The following WDTC1 variants were observed in gnomAD, a reference collection of about 807,000 sequenced individuals.
WDTC1 encodes WD and tetratricopeptide repeats protein 1.
WDTC1 carries 12 observed loss-of-function variants against 76.0 expected under a neutral mutation model. The observed-to-expected ratio is 0.16, with a 90% CI of 0.10 to 0.26. The LOEUF is 0.26. Among genes scored for constraint, WDTC1 ranks in the 10% least tolerant of loss-of-function variants. WDTC1 has a pLI of 1.00. For synonymous variants in WDTC1, 326 were observed against 350.8 expected (o/e 0.93, Z 0.79); for missense variants, 511 against 908.8 (o/e 0.56, Z 5.63).
chr1:27,269,621 G>GTTTTTT (rs538857228), intron 3 of WDTC1, among the ~76,000 whole-genome samples: 8 of 126,860 alleles, frequency 6.3e-5, no homozygotes, highest in Non-Finnish European at 6.2e-5. Flanking sequence ...TTTTTTTTCG[G>GTTTTTT]TTTTTTTTTT....
At chr1:27,269,392 T>A (rs2012784247) in intron 3 of WDTC1, among the ~76,000 whole-genome samples, 1 of 149,886 alleles carries the variant, frequency 6.7e-6, no homozygotes, top group Non-Finnish European at 1.5e-5. Flanking sequence ...CATATGAGTG[T>A]GGCAAGAGAG....
intron 6 of WDTC1, among the ~76,000 whole-genome samples, chr1:27,288,897 G>A (rs1186812699): frequency 1.3e-5 from 2 of 152,266 alleles, no homozygotes; most frequent in African/African-American, 4.8e-5. Context: ...TGGCCAGGCA[G>A]AGGGGCTCCT....
chr1:27,279,283 C>T (rs1461072444), intron 3 of WDTC1, among the ~76,000 whole-genome samples: 2 of 152,042 alleles, frequency 1.3e-5, no homozygotes, highest in Middle Eastern at 3.2e-3. Flanking sequence ...CATGTAATCC[C>T]AGCACTTTGA....
intron 5 of WDTC1, among the ~76,000 whole-genome samples, chr1:27,285,996 G>GTTTTTTTTTTTTTTTTTT (rs5773184): frequency 1.6e-5 from 1 of 63,282 alleles, no homozygotes; most frequent in Non-Finnish European, 2.8e-5. Flanking sequence ...CAGGATGGTG[G>GTTTTTTTTTTTTTTTTTT]TTTTTTTTTT....
chr1:27,266,201 C>T (rs2012657884), intron 3 of WDTC1, among the ~76,000 whole-genome samples: 1 of 152,112 alleles, frequency 6.6e-6, no homozygotes. Flanking sequence ...TAGAGAGTAC[C>T]TACTTTTCCT....
At chr1:27,287,121 C>T (rs1433500265) in intron 5 of WDTC1, among the ~76,000 whole-genome samples, 5 of 151,432 alleles carry the variant, frequency 3.3e-5, no homozygotes, top group African/African-American at 1.2e-4. Flanking sequence ...CGAGATTGCA[C>T]CACTGCACTC....
intron 6 of WDTC1, among the ~76,000 whole-genome samples, chr1:27,290,349 G>T (rs936170464): frequency 2.6e-5 from 4 of 152,174 alleles, no homozygotes; most frequent in African/African-American, 9.7e-5. Flanking sequence ...CTCCCACAGT[G>T]CTATGATTGC....
At chr1:27,277,470 T>C (rs1220492146) in intron 3 of WDTC1, among the ~76,000 whole-genome samples, 2 of 150,628 alleles carry the variant, frequency 1.3e-5, no homozygotes, top group Admixed American at 6.6e-5. Context: ...TTGACACTCT[T>C]TTTTTTTTAA....
At chr1:27,298,153 AGAAAGCAG>A in intron 12 of WDTC1, 42 bp downstream of exon 12, 1 of 1,519,496 alleles carries the variant, frequency 6.6e-7, no homozygotes, top group Non-Finnish European at 8.9e-7. Flanking sequence ...AGGATGAGGG[AGAAAGCAG>A]CTGGACCAAA....
Position 27,296,373 on chromosome 1 carries a change from C to G in WDTC1, c.921C>G (p.Leu307=). ...ACAAGCAGCGGCCGTACACCTTCCT[C>G]TTGCCTAGAAAATGCCACTCCTCGG... ...LTYKQRPYTF[L]LPRKCHSSGE... is the part of the protein sequence containing the mutation. The change falls in exon 10 of 16, where the codon CTC becomes CTG. Residue 307 remains leucine, a synonymous_variant. Transcript: ENST00000319394. 2 of 1,614,116 alleles carry G rather than the reference C, an allele frequency of 1.2e-6. No individual in the cohort carries two copies. Among genetic ancestry groups the G allele is most frequent in the Non-Finnish European group, 1.7e-6 (2 of 1,180,026 alleles).
intron 9 of WDTC1, among the ~76,000 whole-genome samples, chr1:27,295,368 T>A (rs2013655386): frequency 6.6e-6 from 1 of 152,176 alleles, no homozygotes; most frequent in South Asian, 2.1e-4. Flanking sequence ...CAAGGAATCA[T>A]GAAAAGCTCA....
At chr1:27,283,208 A>G (rs1313635531) in intron 4 of WDTC1, 130 bp from the exon 5 acceptor site, 2 of 723,842 alleles carry the variant, frequency 2.8e-6, no homozygotes, top group African/African-American at 3.5e-5. Context: ...TTACAAGGCA[A>G]CCTTAAATTC....
chr1:27,249,130 A>C (rs2011949554), intron 1 of WDTC1, among the ~76,000 whole-genome samples: 1 of 152,074 alleles, frequency 6.6e-6, no homozygotes, highest in Non-Finnish European at 1.5e-5. Context: ...TTAGCCGAGC[A>C]TAATGGTGCA....
In WDTC1 at chr1:27,301,565, G is replaced by A. The variant is rs367708118; in HGVS notation, c.1468+104G>A. On this transcript the variant is annotated intron_variant, in intron 13 of 15. Transcript: ENST00000319394. The surrounding 1 kb of genome is among the most constrained non-coding windows in gnomAD (Gnocchi z 5.8). ...CTGGGATTGGAGAGGCCTGGGTTCAGATGTTGATTCAGAAACCATGCAACT... is the reference window on the plus strand; with the variant it reads ...CTGGGATTGGAGAGGCCTGGGTTCAAATGTTGATTCAGAAACCATGCAACT... 1.5e-6 allele frequency: 2 copies of A among 1,313,308 alleles called. No individual in the cohort carries two copies. Among genetic ancestry groups the A allele is most frequent in the South Asian group, 1.3e-5 (1 of 74,678 alleles). 81.4% of individuals were successfully genotyped at this position (1,313,308 alleles called of 1,614,324 possible).
intron 5 of WDTC1, among the ~76,000 whole-genome samples, chr1:27,284,639 T>C (rs756654416): frequency 1.3e-5 from 2 of 152,114 alleles, no homozygotes; most frequent in African/African-American, 2.4e-5. Flanking sequence ...ACCTAAGCCA[T>C]TAGTTTAGCA....
intron 1 of WDTC1, among the ~76,000 whole-genome samples, chr1:27,243,547 C>G (rs1387345957): frequency 6.6e-6 from 1 of 152,042 alleles, no homozygotes; most frequent in Non-Finnish European, 1.5e-5. Context: ...GGCCTGGCCC[C>G]TGGAGTCAGA....
intron 6 of WDTC1, among the ~76,000 whole-genome samples, chr1:27,288,697 CAGA>C (rs1438146981): frequency 2.6e-5 from 4 of 151,688 alleles, no homozygotes; most frequent in African/African-American, 9.7e-5. Context: ...GATCCCAAGG[CAGA>C]AGAATTTTTC....
At chr1:27,240,552 T>C (rs979377897) in intron 1 of WDTC1, among the ~76,000 whole-genome samples, 1 of 152,210 alleles carries the variant, frequency 6.6e-6, no homozygotes, top group Non-Finnish European at 1.5e-5. Flanking sequence ...TACCACTTAG[T>C]TGGCTTCTTC....
At chr1:27,296,785 A>G (rs59542670) in intron 10 of WDTC1, among the ~76,000 whole-genome samples, 129 of 88,662 alleles carry the variant, frequency 1.5e-3, no homozygotes, top group Middle Eastern at 5.4e-3. Flanking sequence ...CCCAGCCCCA[A>G]CCCTAGCCCC....
Sources: gnomAD v4.1 joint callset for allele counts (sites outside exome capture counted in the v4.1 genomes callset) on GRCh38, gnomAD v4.1.1 for gene constraint, Gnocchi (gnomAD v3.1) non-coding constraint, MANE v1.5 for transcripts, NCBI Gene and HGNC (gene_info 2026-07-23, HGNC 2026-07-21) for gene names.